SHC4: variants seen among roughly 807,000 people sequenced by gnomAD.
SHC4 encodes the protein SHC-transforming protein 4.
SHC4 carries 41 observed loss-of-function variants against 69.4 expected under a neutral mutation model. The ratio of observed to expected loss-of-function variants is 0.59; its 90% CI spans 0.46 to 0.77. The LOEUF (loss-of-function observed/expected upper bound fraction) is 0.77. Ranked by LOEUF, SHC4 falls within the 30% of genes least tolerant of loss-of-function variation. The pLI is 0.00. For missense variants in SHC4, 777 were observed against 783.8 expected (o/e 0.99, Z 0.10); for synonymous variants, 318 against 299.3 (o/e 1.06, Z -0.64).
chr15:48,828,438 T>C (rs1021980224), intron 11 of SHC4, among the ~76,000 whole-genome samples: 2 of 152,190 alleles, frequency 1.3e-5, no homozygotes, highest in African/African-American at 2.4e-5. Context: ...TCTTGACTAT[T>C]GTGAATAATG....
rs1465837207 is a variant in SHC4 at position 48,920,134 on chromosome 15, C to T, written c.656+4745G>A. Among the ~76,000 whole-genome samples the T allele has an allele frequency of 1.3e-5, 2 of 151,948 alleles. 1 individual carries two copies. The highest frequency in any genetic ancestry group is 4.8e-5 in the African/African-American group (2 of 41,372). ...GGTTCACGCCATTCTCTTGCCTCAG[C>T]CTCCTGAGTAGCTGGGACTACAGGC... On this transcript the variant is annotated intron_variant, in intron 2 of 11. Transcript: ENST00000332408.
At chr15:48,957,764 T>C (rs1901478939) in intron 1 of SHC4, among the ~76,000 whole-genome samples, 1 of 152,008 alleles carries the variant, frequency 6.6e-6, no homozygotes, top group Non-Finnish European at 1.5e-5. Context: ...GGAAATAGGG[T>C]CTTTGCAAAT....
At position 48,890,905 on chromosome 15, in the gene SHC4, T is replaced by TA. The variant is rs756219822; in HGVS notation, c.657-95dup. On this transcript the variant is annotated intron_variant, in intron 2 of 11. Coordinates refer to ENST00000332408, the MANE Select transcript of SHC4 (RefSeq NM_203349.4). Reference sequence around the variant, plus strand: ...GTTAGAAATTATCACGACCAAAAAGTACACATACATAATAGTGAGTCTAAC... The same window carrying TA: ...GTTAGAAATTATCACGACCAAAAAGTAACACATACATAATAGTGAGTCTAAC... The TA allele has an allele frequency of 6.5e-4, 831 of 1,280,508 alleles. 7 individuals carry two copies. Among genetic ancestry groups the TA allele is most frequent in the Admixed American group, 4.6e-4 (26 of 56,458 alleles). 79.3% of individuals were successfully genotyped at this position (1,280,508 alleles called of 1,614,324 possible). A position where few individuals can be genotyped will look rare whatever the true frequency, so the allele number is the denominator to read the frequency against.
rs1899612790 is a variant in SHC4 at position 48,868,891 on chromosome 15, TG to T, written c.895-1023del. On this transcript the variant is annotated intron_variant, in intron 5 of 11. Coordinates refer to ENST00000332408, the MANE Select transcript of SHC4 (RefSeq NM_203349.4). ...CTCTAAATAAATAAGGCCATATCCT[TG>T]GGCTTTGTTTTATATGAATTTAGAA... 2.0e-5 allele frequency among the ~76,000 whole-genome samples: 3 copies of T among 152,350 alleles called. No individual in the cohort carries two copies. The South Asian group carries it at 6.2e-4, about 32-fold the overall frequency.
intron 2 of SHC4, among the ~76,000 whole-genome samples, chr15:48,899,828 G>A (rs1900290138): frequency 6.6e-6 from 1 of 152,136 alleles, no homozygotes; most frequent in Non-Finnish European, 1.5e-5. Context: ...CTGGGTGCTG[G>A]TTAAAATACA....
intron 11 of SHC4, among the ~76,000 whole-genome samples, chr15:48,828,603 T>G (rs1422862777): frequency 6.6e-6 from 1 of 152,168 alleles, no homozygotes; most frequent in Non-Finnish European, 1.5e-5. Context: ...GCTGTACAAT[T>G]TTACACACCC....
At chr15:48,960,809 C>G (rs1196043198) in intron 1 of SHC4, among the ~76,000 whole-genome samples, 2 of 152,120 alleles carry the variant, frequency 1.3e-5, no homozygotes, top group Non-Finnish European at 2.9e-5. Flanking sequence ...TAAAATGAGT[C>G]CATTTCCTAA....
intron 2 of SHC4, among the ~76,000 whole-genome samples, chr15:48,893,244 C>T (rs1002730870): frequency 1.3e-5 from 2 of 151,980 alleles, no homozygotes; most frequent in Non-Finnish European, 2.9e-5. Context: ...GGTGAAGACA[C>T]CAAAACACAA....
intron 2 of SHC4, among the ~76,000 whole-genome samples, chr15:48,899,481 G>GAATA (rs1305626123): frequency 6.6e-6 from 1 of 151,738 alleles, no homozygotes; most frequent in Admixed American, 6.6e-5. Context: ...ATAAATAAAT[G>GAATA]AATAAATAAA....
chr15:48,907,243 G>A (rs1479254370), intron 2 of SHC4, among the ~76,000 whole-genome samples: 2 of 141,102 alleles, frequency 1.4e-5, no homozygotes, highest in Non-Finnish European at 3.0e-5. Context: ...TTTTTTTTTC[G>A]AGACAGAGTT....
chr15:48,922,347 A>C (rs1900766795), intron 2 of SHC4, among the ~76,000 whole-genome samples: 1 of 152,228 alleles, frequency 6.6e-6, no homozygotes, highest in Non-Finnish European at 1.5e-5. Context: ...AAGATTAGTC[A>C]TCCTCAGTGT....
rs114584866 is a variant in SHC4, at chr15:48,830,802, G to A, written c.1737+3967C>T. 3.6e-3 allele frequency among the ~76,000 whole-genome samples: 555 copies of A among 152,260 alleles called. 3 individuals are homozygous for A. The highest frequency in any genetic ancestry group is 0.013 in the African/African-American group (530 of 41,556). ...AAAAAAGAAACAAAGCAAGCAAACCGCCAAGGTCATATTTCTGAAAATAGT... is the reference window on the plus strand; with the variant it reads ...AAAAAAGAAACAAAGCAAGCAAACCACCAAGGTCATATTTCTGAAAATAGT... On this transcript the variant is annotated intron_variant, in intron 11 of 11. Coordinates refer to ENST00000332408, the MANE Select transcript of SHC4 (RefSeq NM_203349.4).
chr15:48,853,841 T>C (rs183988124), intron 8 of SHC4, among the ~76,000 whole-genome samples: 3 of 151,992 alleles, frequency 2.0e-5, no homozygotes, highest in East Asian at 3.9e-4. Context: ...ATAGATTAAA[T>C]ATATAAACGT....
intron 2 of SHC4, among the ~76,000 whole-genome samples, chr15:48,910,355 C>T (rs777671683): frequency 1.3e-5 from 2 of 151,948 alleles, no homozygotes; most frequent in Non-Finnish European, 2.9e-5. Context: ...CGTAAAGGTG[C>T]TCATAGTAGC....
At chr15:48,902,955 T>C (rs1486482741) in intron 2 of SHC4, among the ~76,000 whole-genome samples, 1 of 152,130 alleles carries the variant, frequency 6.6e-6, no homozygotes, top group Non-Finnish European at 1.5e-5. Flanking sequence ...CCCTTAAACT[T>C]GCATACACTT....
chr15:48,879,993 TATCA>T (rs1441461690), intron 4 of SHC4: 1 of 167,114 alleles, frequency 6.0e-6, no homozygotes, highest in African/African-American at 2.4e-5. Flanking sequence ...AAACCTGCCC[TATCA>T]ATGAGTATGT....
chr15:48,953,623 C>T (rs1901399623), intron 1 of SHC4, among the ~76,000 whole-genome samples: 1 of 152,120 alleles, frequency 6.6e-6, no homozygotes, highest in Non-Finnish European at 1.5e-5. Context: ...CAGAGCTCAA[C>T]AAATCATAGC....
intron 9 of SHC4, among the ~76,000 whole-genome samples, chr15:48,847,345 A>G (rs937534834): frequency 1.3e-5 from 2 of 152,192 alleles, no homozygotes; most frequent in Admixed American, 6.5e-5. Context: ...AAAAATATCA[A>G]CATTTCAATT....
At chr15:48,907,232 C>CA (rs1555435670) in intron 2 of SHC4, among the ~76,000 whole-genome samples, 2 of 145,484 alleles carry the variant, frequency 1.4e-5, no homozygotes, top group Non-Finnish European at 1.5e-5. Context: ...TTTTCTTTTC[C>CA]TTTTTTTTTC....
Sources: allele counts gnomAD v4.1 joint callset (sites outside exome capture counted in the v4.1 genomes callset), GRCh38; gene constraint gnomAD v4.1.1; transcripts MANE v1.5; gene names NCBI Gene and HGNC (gene_info 2026-07-23, HGNC 2026-07-21).